KCNMA1: variants seen among roughly 807,000 people sequenced by gnomAD.
KCNMA1 encodes the protein Calcium-activated potassium channel subunit alpha-1.
In KCNMA1, 29 loss-of-function variants were observed where a neutral mutation model predicts 140.0. The observed-to-expected ratio is 0.21, with a 90% CI of 0.15 to 0.28. The LOEUF (loss-of-function observed/expected upper bound fraction) is 0.28. Among genes scored for constraint, KCNMA1 ranks in the 10% least tolerant of loss-of-function variants. The probability of loss-of-function intolerance (pLI) is 1.00; values close to 1 mark genes in which losing one functional copy is unlikely to be tolerated. For missense variants in KCNMA1, 880 were observed against 1,602.2 expected (o/e 0.55, Z 7.70); for synonymous variants, 612 against 611.9 (o/e 1.00, Z 0.00).
At chr10:77,404,166 T>C (rs2096382620) in intron 1 of KCNMA1, 143 bp from the exon 2 acceptor site, 3 of 678,524 alleles carry the variant, frequency 4.4e-6, no homozygotes, top group Admixed American at 5.2e-5. Flanking sequence ...GCAGAAGGGG[T>C]AAATTATGCC....
At chr10:76,882,932 GC>G (rs2035246878), downstream of KCNMA1, among the ~76,000 whole-genome samples, 1 of 152,172 alleles carries the variant, frequency 6.6e-6, no homozygotes, top group African/African-American at 2.4e-5. Flanking sequence ...ACTTCCACAG[GC>G]CCTGGAGTTT....
At chr10:77,564,200 GAC>G (rs758426822) in intron 1 of KCNMA1, among the ~76,000 whole-genome samples, 9 of 152,198 alleles carry the variant, frequency 5.9e-5, no homozygotes, top group Non-Finnish European at 1.3e-4. Flanking sequence ...AATTCACAGT[GAC>G]AGTGCAATCA....
chr10:77,169,411 A>G (rs2098678714), intron 5 of KCNMA1, among the ~76,000 whole-genome samples: 1 of 151,142 alleles, frequency 6.6e-6, no homozygotes, highest in Non-Finnish European at 1.5e-5. Context: ...TTTTTTTAAG[A>G]TGGGATTTCA....
At chr10:77,636,766 A>G in intron 1 of KCNMA1, 1 of 1,461,584 alleles carries the variant, frequency 6.8e-7, no homozygotes, top group South Asian at 1.4e-5. Flanking sequence ...TGCCCAAAGG[A>G]TTTTTCCCTT....
Position 76,885,100 on chromosome 10 carries a change from T to A in KCNMA1, c.*2166A>T, listed in dbSNP as rs1320161091. The A allele has an allele frequency of 8.5e-6, 13 of 1,526,454 alleles. No individual in the cohort carries two copies. The highest frequency in any genetic ancestry group is 1.1e-5 in the Non-Finnish European group (12 of 1,135,850). 94.6% of individuals were successfully genotyped at this position (1,526,454 alleles called of 1,614,324 possible). On this transcript the variant is annotated 3_prime_UTR_variant, in exon 28 of 28. Transcript: ENST00000286628. Reference sequence around the variant, plus strand: ...CCTGTTGAGCACTTTAACTGGCACATTCTTATAGTTATAAATGTTCTGAGG... The same window carrying A: ...CCTGTTGAGCACTTTAACTGGCACAATCTTATAGTTATAAATGTTCTGAGG...
chr10:77,483,058 C>T (rs1190910410), intron 1 of KCNMA1, among the ~76,000 whole-genome samples: 7 of 145,884 alleles, frequency 4.8e-5, no homozygotes, highest in African/African-American at 1.8e-4. Context: ...TTCTTCTGTG[C>T]CTACCATAGA....
In KCNMA1 at chr10:76,891,727, A is replaced by G. The variant is rs79155047; in HGVS notation, c.3148-8T>C. ...ATTGTCATTGAAGTACGTCTGGGGA[A>G]GGAGAGAAAGTGAGGGAAAAGTCCT... On this transcript the variant is annotated splice_region_variant and splice_polypyrimidine_tract_variant and intron_variant, in intron 25 of 27. Transcript: ENST00000286628. 1.8e-4 allele frequency: 285 copies of G among 1,612,400 alleles called. 1 individual carries two copies. The highest frequency in any genetic ancestry group is 1.0e-3 in the Admixed American group (63 of 60,030).
At position 77,391,643 on chromosome 10, in the gene KCNMA1, T is replaced by C. The variant is rs1373115956; in HGVS notation, c.540+12219A>G. ...TTGTTTGTTTGTTTGTTTGTTTGTT[T>C]GTTTTTTTCTGGAAAAAGCCTCACT... On this transcript the variant is annotated intron_variant, in intron 2 of 27. Transcript: ENST00000286628. Among the ~76,000 whole-genome samples, 3 of 151,876 alleles carry C rather than the reference T, an allele frequency of 2.0e-5. No homozygotes were observed. In the East Asian group the frequency reaches 5.8e-4, roughly 29 times the overall value.
At chr10:76,880,441 A>G (rs1019775428), downstream of KCNMA1, among the ~76,000 whole-genome samples, 1 of 152,172 alleles carries the variant, frequency 6.6e-6, no homozygotes, top group Non-Finnish European at 1.5e-5. Context: ...CAGCTGTTTA[A>G]TTTGGGTGCC....
At chr10:77,469,937 C>A (rs148220721) in intron 1 of KCNMA1, among the ~76,000 whole-genome samples, 33 of 152,306 alleles carry the variant, frequency 2.2e-4, no homozygotes, top group African/African-American at 7.7e-4. Context: ...AAGGAACAGG[C>A]TGGGCTACCC....
chr10:77,447,364 C>A (rs1366431753), intron 1 of KCNMA1, among the ~76,000 whole-genome samples: 1 of 152,052 alleles, frequency 6.6e-6, no homozygotes, highest in Non-Finnish European at 1.5e-5. Flanking sequence ...TGAGCTCAAA[C>A]TGGTCTCCAC....
intron 1 of KCNMA1, among the ~76,000 whole-genome samples, chr10:77,518,572 C>T (rs1398964433): frequency 6.6e-6 from 1 of 152,094 alleles, no homozygotes; most frequent in African/African-American, 2.4e-5. Context: ...GGGACAGGGC[C>T]GAAGGAAGAA....
At chr10:76,970,322 G>T (rs2075664098) in intron 19 of KCNMA1, 2 of 213,884 alleles carry the variant, frequency 9.4e-6, no homozygotes, top group South Asian at 1.1e-4. Flanking sequence ...TAAACACCCT[G>T]CCATAAGAAA....
intron 24 of KCNMA1, chr10:76,911,203 T>C (rs2050060053): frequency 6.9e-6 from 1 of 144,802 alleles, no homozygotes; most frequent in Non-Finnish European, 1.5e-5. Context: ...CTCTTCTTTT[T>C]TAAAAAAAAA....
chr10:77,481,410 A>G (rs934416566), intron 1 of KCNMA1, among the ~76,000 whole-genome samples: 3 of 152,214 alleles, frequency 2.0e-5, no homozygotes, highest in African/African-American at 7.2e-5. Flanking sequence ...TCCAAGTCCA[A>G]GGAAATGCTC....
chr10:77,016,472 A>T (rs1424911698), intron 17 of KCNMA1, among the ~76,000 whole-genome samples: 1 of 152,140 alleles, frequency 6.6e-6, no homozygotes, highest in East Asian at 1.9e-4. Flanking sequence ...TGGGCGAATG[A>T]ATGAGTGAGT....
At chr10:77,414,690 A>G (rs1232001096) in intron 1 of KCNMA1, among the ~76,000 whole-genome samples, 4 of 151,818 alleles carry the variant, frequency 2.6e-5, no homozygotes, top group Non-Finnish European at 5.9e-5. Flanking sequence ...GGGTTTCAAC[A>G]TGTTGGATAG....
chr10:77,185,028 A>G, intron 3 of KCNMA1, 112 bp from the exon 4 acceptor site: 1 of 766,632 alleles, frequency 1.3e-6, no homozygotes, highest in Non-Finnish European at 2.4e-6. Context: ...ATGAATATTC[A>G]TAAAAGAAAA....
At chr10:77,362,676 C>G (rs921591383) in intron 2 of KCNMA1, among the ~76,000 whole-genome samples, 16 of 152,146 alleles carry the variant, frequency 1.1e-4, no homozygotes, top group Non-Finnish European at 1.3e-4. Flanking sequence ...CAAGCCACAG[C>G]CTTGTAGGAC....
Sources: allele counts gnomAD v4.1 joint callset (sites outside exome capture counted in the v4.1 genomes callset), GRCh38; gene constraint gnomAD v4.1.1; transcripts MANE v1.5; gene names NCBI Gene and HGNC (gene_info 2026-07-23, HGNC 2026-07-21).